PHLDB3: variants seen among roughly 807,000 people sequenced by gnomAD.
PHLDB3 encodes the protein pleckstrin homology like domain family B member 3, also known as pleckstrin homology-like domain family B member 3.
PHLDB3 carries 86 observed loss-of-function variants against 85.7 expected under a neutral mutation model. That is an observed-to-expected ratio of 1.00 (90% CI 0.84 to 1.20). The LOEUF is 1.20. PHLDB3 is among the 50% of genes most tolerant of loss of function. The pLI, the probability that PHLDB3 is intolerant of heterozygous loss-of-function variation, is 0.00. For missense variants in PHLDB3, 995 were observed against 873.0 expected, an observed-to-expected ratio of 1.14 and a Z score of -1.76; for synonymous variants, 376 against 349.8, an observed-to-expected ratio of 1.07 and a Z score of -0.83.
chr19:43,478,752 A>G (rs536301998), intron 14 of PHLDB3, among the ~76,000 whole-genome samples: 2 of 152,080 alleles, frequency 1.3e-5, no homozygotes, highest in Admixed American at 6.6e-5. Flanking sequence ...TGTCTCTACT[A>G]AAAATACAAA....
chr19:43,476,930 C>A (rs1257569177), intron 15 of PHLDB3, among the ~76,000 whole-genome samples: 1 of 151,852 alleles, frequency 6.6e-6, no homozygotes, highest in Non-Finnish European at 1.5e-5. Flanking sequence ...TTGGCAGGAG[C>A]CAACTAACAA....
intron 2 of PHLDB3, among the ~76,000 whole-genome samples, chr19:43,503,605 T>C (rs1255390704): frequency 6.6e-6 from 1 of 152,080 alleles, no homozygotes; most frequent in Admixed American, 6.6e-5. Flanking sequence ...CCTATCTGGT[T>C]CCTCTATACT....
rs749626107 is a variant in PHLDB3, at chr19:43,479,453, C to T, written c.1626G>A (p.Met542Ile). Reference protein sequence around the residue: ...GCCCRGPLVKMGGRIKTWRKR... With the variant: ...GCCCRGPLVKIGGRIKTWRKR... Reference sequence around the variant, plus strand: ...TCCTCCAGGTCTTGATGCGGCCGCCCATCTTCACCAGGGGTCCACGGCAGC... The same window carrying T: ...TCCTCCAGGTCTTGATGCGGCCGCCTATCTTCACCAGGGGTCCACGGCAGC... Residue 542 changes from methionine to isoleucine, a missense_variant, in exon 14 of 16, where the codon ATG becomes ATA. By Grantham distance (10) the Met-to-Ile change is conservative. Transcript: ENST00000292140. 6.4e-7 allele frequency: 1 copy of T among 1,565,770 alleles called. No individual in the cohort carries two copies. The highest frequency in any genetic ancestry group is 1.2e-5 in the South Asian group (1 of 84,902).
intron 13 of PHLDB3, among the ~76,000 whole-genome samples, chr19:43,481,157 A>T (rs866468718): frequency 1.7e-4 from 25 of 143,824 alleles, no homozygotes; most frequent in South Asian, 4.3e-4. Flanking sequence ...CTGCTGTTCC[A>T]CCAGCCACAC....
chr19:43,494,695 G>T lies in PHLDB3; in HGVS notation c.1149+7C>A. 1 of 1,601,686 alleles carries T rather than the reference G, an allele frequency of 6.2e-7. No individual in the cohort carries two copies. Among genetic ancestry groups the T allele is most frequent in the Non-Finnish European group, 8.5e-7 (1 of 1,171,330 alleles). On this transcript the variant is annotated splice_region_variant and intron_variant, in intron 9 of 15. Coordinates refer to ENST00000292140, the MANE Select transcript of PHLDB3 (RefSeq NM_198850.4). Reference sequence around the variant, plus strand: ...ATATGGGGAAACAGAGGCCGTGGGGGAGGCACCTGCAGGGAGCTGTGGACA... The same window carrying T: ...ATATGGGGAAACAGAGGCCGTGGGGTAGGCACCTGCAGGGAGCTGTGGACA...
Position 43,501,734 on chromosome 19 carries a change from C to G in PHLDB3, c.534G>C (p.Gln178His), listed in dbSNP as rs1421129470. ...SEQRGRQQREQEQRRLSQERD... is the reference protein window; with the variant it reads ...SEQRGRQQREHEQRRLSQERD... ...TGAAGACCCGGTGAGCCAAACAGACCTGTTCCCGCTGCTGGCGGCCGCGCT... is the reference window on the plus strand; with the variant it reads ...TGAAGACCCGGTGAGCCAAACAGACGTGTTCCCGCTGCTGGCGGCCGCGCT... The change falls in exon 4 of 16, where the codon CAG becomes CAC. Residue 178 changes from glutamine to histidine, a missense_variant and splice_region_variant. Gln to His is a conservative substitution (Grantham distance 24). Coordinates refer to ENST00000292140, the MANE Select transcript of PHLDB3 (RefSeq NM_198850.4). The G allele has an allele frequency of 6.3e-7, 1 of 1,583,254 alleles. No homozygotes were observed. Among genetic ancestry groups the G allele is most frequent in the Non-Finnish European group, 8.5e-7 (1 of 1,171,120 alleles).
chr19:43,476,371 T>G (rs1488995693), intron 15 of PHLDB3, among the ~76,000 whole-genome samples: 2 of 152,070 alleles, frequency 1.3e-5, no homozygotes, highest in South Asian at 2.1e-4. Flanking sequence ...CCGGCCGGGC[T>G]GGGTGGCTCA....
rs1435766247 is a variant in PHLDB3, at chr19:43,486,688, G to GT, written c.1348_1349insA (p.Ala450AspfsTer108). The GT allele has an allele frequency of 1.2e-6, 2 of 1,613,966 alleles. No individual in the cohort carries two copies. Among genetic ancestry groups the GT allele is most frequent in the Admixed American group, 3.3e-5 (2 of 60,002 alleles). ...CATGTGGGCAATGTCTGGATGGATG[G>GT]CCCCACAGCTAGGAGGAGGGAACAC... On this transcript the variant is annotated frameshift_variant, in exon 12 of 16. Transcript: ENST00000292140. LOFTEE classifies it high-confidence loss of function.
rs760222168 is a variant in PHLDB3 at position 43,494,725 on chromosome 19, A to G, written c.1126T>C (p.Phe376Leu). The G allele has an allele frequency of 6.2e-7, 1 of 1,613,038 alleles. No individual in the cohort carries two copies. The highest frequency in any genetic ancestry group is 8.5e-7 in the Non-Finnish European group (1 of 1,179,622). ...SAATPTSSCL[F>L]SVHSSLQGSI... Reference sequence around the variant, plus strand: ...ACCTGCAGGGAGCTGTGGACAGAAAAGAGGCAGGAAGAAGTAGGGGTGGCA... The same window carrying G: ...ACCTGCAGGGAGCTGTGGACAGAAAGGAGGCAGGAAGAAGTAGGGGTGGCA... The change falls in exon 9 of 16, where the codon TTT becomes CTT. Residue 376 changes from phenylalanine (F) to leucine (L), a missense_variant. Coordinates refer to ENST00000292140, the MANE Select transcript of PHLDB3 (RefSeq NM_198850.4).
chr19:43,483,684 A>T (rs1221567223), intron 13 of PHLDB3, among the ~76,000 whole-genome samples: 1 of 152,248 alleles, frequency 6.6e-6, no homozygotes, highest in African/African-American at 2.4e-5. Flanking sequence ...AATGTGAAAA[A>T]GTCAACAGGA....
intron 5 of PHLDB3, 121 bp downstream of exon 5, chr19:43,497,627 G>T: frequency 3.8e-6 from 4 of 1,064,986 alleles, no homozygotes; most frequent in South Asian, 1.6e-5. Flanking sequence ...TGGGAGAATC[G>T]CTTGAACCTG....
At chr19:43,499,692 G>C (rs981991412) in intron 4 of PHLDB3, among the ~76,000 whole-genome samples, 1 of 152,032 alleles carries the variant, frequency 6.6e-6, no homozygotes, top group East Asian at 1.9e-4. Context: ...AATGGTAACT[G>C]ACCCAAGCAA....
intron 6 of PHLDB3, chr19:43,496,275 A>G (rs894346194): frequency 2.2e-4 from 34 of 152,308 alleles, no homozygotes; most frequent in African/African-American, 7.2e-4. Context: ...TCGGCCTCCC[A>G]AAGTGCTGGG....
chr19:43,495,469 G>A (rs958536205), intron 7 of PHLDB3, 26 bp downstream of exon 7: 16 of 1,605,312 alleles, frequency 1.0e-5, no homozygotes, highest in Non-Finnish European at 1.3e-5. Flanking sequence ...AGGACGGTAG[G>A]GTAGGGCAGG....
At chr19:43,499,589 G>A (rs1027130026) in intron 4 of PHLDB3, among the ~76,000 whole-genome samples, 11 of 151,996 alleles carry the variant, frequency 7.2e-5, no homozygotes, top group Non-Finnish European at 1.2e-4. Flanking sequence ...GGATAAATGA[G>A]GGCCTAGGAC....
Position 43,479,563 on chromosome 19 carries a change from G to T in PHLDB3, c.1516C>A (p.Pro506Thr). Residue 506 changes from proline to threonine, a missense_variant, in exon 14 of 16, where the codon CCG (proline) becomes ACG (threonine). Coordinates refer to ENST00000292140, the MANE Select transcript of PHLDB3 (RefSeq NM_198850.4). ...TGCTGCCGGAGATCCAAGATTCGCG[G>T]GCCTGGAGGGTGGGGTGGGGTGGGT... ...APPTPPHPPG[P>T]RILDLRQHLE... 6.5e-7 allele frequency: 1 copy of T among 1,547,740 alleles called. No homozygotes were observed. The highest frequency in any genetic ancestry group is 8.7e-7 in the Non-Finnish European group (1 of 1,144,976).
chr19:43,503,792 C>T (rs1668815224), intron 2 of PHLDB3, 114 bp downstream of exon 2: 2 of 1,240,972 alleles, frequency 1.6e-6, no homozygotes, highest in African/African-American at 1.5e-5. Flanking sequence ...GGTCTCTCTC[C>T]CTGTCTCCGG....
chr19:43,485,559 A>ATT (rs754136421), intron 13 of PHLDB3, among the ~76,000 whole-genome samples: 18 of 132,592 alleles, frequency 1.4e-4, no homozygotes, highest in African/African-American at 4.4e-4. Context: ...TTTGGTTTTG[A>ATT]TTTTTTTTTT....
intron 6 of PHLDB3, 128 bp downstream of exon 6, chr19:43,496,990 C>G: frequency 8.0e-7 from 1 of 1,250,588 alleles, no homozygotes; most frequent in Non-Finnish European, 1.0e-6. Flanking sequence ...TCATTAGTAT[C>G]AGCTCTTGTT....
Sources: allele counts gnomAD v4.1 joint callset (sites outside exome capture counted in the v4.1 genomes callset), GRCh38; gene constraint gnomAD v4.1.1; transcripts MANE v1.5; gene names NCBI Gene and HGNC (gene_info 2026-07-23, HGNC 2026-07-21).